Variants in VWF observed in about 807,000 individuals in gnomAD.
VWF encodes Factor VIII related antigen.
Under a neutral mutation model 308.6 loss-of-function variants are expected in VWF, and 176 were observed. That is an observed-to-expected ratio of 0.57 (90% CI 0.50 to 0.65). The LOEUF (loss-of-function observed/expected upper bound fraction) is 0.65, where lower values mean the gene tolerates loss of function less well. VWF is among the 30% of genes least tolerant of loss of function. The pLI is 0.00. For synonymous variants in VWF, 1,385 were observed against 1,443.4 expected (o/e 0.96, Z 0.92); for missense variants, 3,146 against 3,648.2 (o/e 0.86, Z 3.55).
chr12:6,098,037 T>C (rs1052840021), intron 5 of VWF, among the ~76,000 whole-genome samples: 2 of 152,118 alleles, frequency 1.3e-5, no homozygotes, highest in African/African-American at 2.4e-5. Context: ...TGACCATCTA[T>C]GAAGTGAAAC....
chr12:5,983,043 G>T, intron 41 of VWF, 107 bp downstream of exon 41: 1 of 1,174,938 alleles, frequency 8.5e-7, no homozygotes, highest in Non-Finnish European at 1.2e-6. Context: ...CAGCTAGGTA[G>T]AAAACAGGAA....
intron 3 of VWF, among the ~76,000 whole-genome samples, chr12:6,120,010 A>G (rs1488225392): frequency 6.6e-6 from 1 of 152,202 alleles, no homozygotes; most frequent in Non-Finnish European, 1.5e-5. Flanking sequence ...GTTTCCCAGC[A>G]GAGTCAGGGC....
intron 50 of VWF, among the ~76,000 whole-genome samples, chr12:5,950,399 G>A (rs7953373): frequency 0.045 from 6,793 of 152,072 alleles, 205 homozygotes; most frequent in South Asian, 0.12. Flanking sequence ...GCCTCTCTTC[G>A]GGTACTGCTG....
chr12:6,072,450 C>T lies in VWF; in HGVS notation c.998-8G>A. On this transcript the variant is annotated splice_polypyrimidine_tract_variant and splice_region_variant and intron_variant, in intron 8 of 51. Transcript: ENST00000261405. ...CATCCAGGAGCTGTCCCTCTGGGGT[C>T]AAGGGCATCAAGACAAAGGCCTCAA... The T allele has an allele frequency of 6.2e-7, 1 of 1,611,142 alleles. No homozygotes were observed. The highest frequency in any genetic ancestry group is 8.5e-7 in the Non-Finnish European group (1 of 1,177,524).
At chr12:6,105,712 T>A (rs1945235447) in intron 5 of VWF, among the ~76,000 whole-genome samples, 1 of 152,018 alleles carries the variant, frequency 6.6e-6, no homozygotes, top group Non-Finnish European at 1.5e-5. Context: ...CCATTAGAAA[T>A]CATCCAGGAA....
chr12:6,065,799 C>T (rs1944707796), intron 10 of VWF, among the ~76,000 whole-genome samples: 1 of 152,182 alleles, frequency 6.6e-6, no homozygotes, highest in Non-Finnish European at 1.5e-5. Context: ...GTAGGCAGCC[C>T]AGAGGCAGGA....
rs781354168 is a variant in VWF, at chr12:6,058,074, C to T, written c.1534-30G>A. The T allele has an allele frequency of 3.0e-5, 49 of 1,612,212 alleles. No individual in the cohort carries two copies. The highest frequency in any genetic ancestry group is 1.6e-4 in the Middle Eastern group (1 of 6,082). On this transcript the variant is annotated intron_variant, in intron 13 of 51. Transcript: ENST00000261405. The surrounding 1 kb of genome is among the most constrained non-coding windows in gnomAD (Gnocchi z 4.9). ...AGGAGAGACCAGGCCACTCTGGAGC[C>T]GCTGCCGCGAAAGCAGCGGCATAGT...
chr12:6,121,404 CT>C, intron 2 of VWF, 66 bp from the exon 3 acceptor site: 1 of 1,575,202 alleles, frequency 6.3e-7, no homozygotes, highest in Non-Finnish European at 8.6e-7. Flanking sequence ...CAGCTCAAAC[CT>C]CTCTGGCCTC....
At chr12:6,007,984 C>T (rs1453006274) in intron 34 of VWF, among the ~76,000 whole-genome samples, 1 of 152,058 alleles carries the variant, frequency 6.6e-6, no homozygotes, top group Non-Finnish European at 1.5e-5. Context: ...ACCTACCAAG[C>T]CTGAATGATG....
At chr12:6,026,195 G>C (rs1011959403) in intron 22 of VWF, 149 bp from the exon 23 acceptor site, 10 of 1,128,772 alleles carry the variant, frequency 8.9e-6, no homozygotes, top group Non-Finnish European at 1.3e-5. Context: ...GAGGAGGCCC[G>C]AGGTGAGCAG....
intron 38 of VWF, among the ~76,000 whole-genome samples, chr12:5,990,868 T>TAAAAAAAAAAAAA (rs755717764): frequency 1.3e-4 from 4 of 31,454 alleles, no homozygotes; most frequent in Non-Finnish European, 1.6e-4. Context: ...CCCATAGAGC[T>TAAAAAAAAAAAAA]AAAAAAAAAA....
chr12:6,109,510 C>T (rs1945280907), intron 5 of VWF, among the ~76,000 whole-genome samples: 1 of 152,100 alleles, frequency 6.6e-6, no homozygotes, highest in South Asian at 2.1e-4. Context: ...TGTTTCTCTG[C>T]ATGTTTACTC....
intron 22 of VWF, among the ~76,000 whole-genome samples, chr12:6,026,685 T>C (rs1411428591): frequency 6.6e-6 from 1 of 152,242 alleles, no homozygotes; most frequent in Non-Finnish European, 1.5e-5. Flanking sequence ...GGATAAGTTC[T>C]AGTGTTCGGT....
chr12:6,062,435 T>G (rs1344651652), intron 13 of VWF, among the ~76,000 whole-genome samples: 1 of 150,402 alleles, frequency 6.6e-6, no homozygotes, highest in African/African-American at 2.5e-5. Context: ...AGAGAAACAG[T>G]GAAAAGTATG....
chr12:6,043,745 T>C (rs1425583567), intron 18 of VWF, among the ~76,000 whole-genome samples: 1 of 152,164 alleles, frequency 6.6e-6, no homozygotes, highest in Non-Finnish European at 1.5e-5. Flanking sequence ...AGTCATGGAA[T>C]GTTAAGGGCT....
At chr12:6,035,914 A>G (rs1291734923) in intron 19 of VWF, among the ~76,000 whole-genome samples, 1 of 152,274 alleles carries the variant, frequency 6.6e-6, no homozygotes, top group Non-Finnish European at 1.5e-5. Flanking sequence ...CTGATGGTTC[A>G]ATGTACACAA....
chr12:5,963,371 C>A (rs916489502), intron 47 of VWF, among the ~76,000 whole-genome samples: 1 of 152,184 alleles, frequency 6.6e-6, no homozygotes, highest in Non-Finnish European at 1.5e-5. Context: ...TGCTCCACAT[C>A]ATTAGCCAAC....
chr12:6,108,332 T>TACACACACACACAC (rs553993725), intron 5 of VWF, among the ~76,000 whole-genome samples: 9 of 49,082 alleles, frequency 1.8e-4, no homozygotes, highest in African/African-American at 2.8e-4. Flanking sequence ...GAAAGAAATA[T>TACACACACACACAC]ATACACACAC....
intron 6 of VWF, among the ~76,000 whole-genome samples, chr12:6,091,881 G>T (rs1945038519): frequency 6.6e-6 from 1 of 152,222 alleles, no homozygotes; most frequent in Non-Finnish European, 1.5e-5. Flanking sequence ...CACCTTGCTA[G>T]CTGGCGACTT....
Sources: allele counts gnomAD v4.1 joint callset (sites outside exome capture counted in the v4.1 genomes callset), GRCh38; gene constraint gnomAD v4.1.1; non-coding constraint Gnocchi (gnomAD v3.1); transcripts MANE v1.5; gene names NCBI Gene and HGNC (gene_info 2026-07-23, HGNC 2026-07-21).